MNAT1: variants seen among roughly 807,000 people sequenced by gnomAD.
MNAT1 encodes the protein MNAT1 component of CDK activating kinase, also known as CDK-activating kinase assembly factor MAT1.
In MNAT1, 43 loss-of-function variants were observed where a neutral mutation model predicts 42.0. That is an observed-to-expected ratio of 1.02 (90% CI 0.80 to 1.32). The LOEUF is 1.32. Among genes scored for constraint, MNAT1 ranks in the 40% most tolerant of loss-of-function variants. The pLI, the probability that MNAT1 is intolerant of heterozygous loss-of-function variation, is 0.00. For missense variants in MNAT1, 306 were observed against 350.4 expected (o/e 0.87, Z 1.01); for synonymous variants, 118 against 120.0 (o/e 0.98, Z 0.11).
At chr14:60,913,474 T>C (rs2035434854) in intron 7 of MNAT1, among the ~76,000 whole-genome samples, 1 of 152,202 alleles carries the variant, frequency 6.6e-6, no homozygotes, top group Non-Finnish European at 1.5e-5. Context: ...ACCTTGGGTC[T>C]TTGATGATGG....
At chr14:60,910,338 C>A (rs1327230180) in intron 7 of MNAT1, among the ~76,000 whole-genome samples, 1 of 151,638 alleles carries the variant, frequency 6.6e-6, no homozygotes, top group Non-Finnish European at 1.5e-5. Context: ...CCTGATTGCC[C>A]TGGCCAGAAC....
At chr14:60,888,830 A>G (rs1262171856) in intron 7 of MNAT1, among the ~76,000 whole-genome samples, 1 of 135,482 alleles carries the variant, frequency 7.4e-6, no homozygotes, top group Admixed American at 7.9e-5. Context: ...CCAAATCATG[A>G]GTGAACTCCC....
chr14:60,790,539 T>A (rs903506605), intron 1 of MNAT1, among the ~76,000 whole-genome samples: 1 of 152,102 alleles, frequency 6.6e-6, no homozygotes, highest in African/African-American at 2.4e-5. Context: ...ACCAAACCGA[T>A]GTACATCTTA....
Position 60,811,404 on chromosome 14 carries a change from G to T in MNAT1, c.421-583G>T, listed in dbSNP as rs147788467. On this transcript the variant is annotated intron_variant, in intron 4 of 7. Transcript: ENST00000261245. Reference sequence around the variant, plus strand: ...TGCAACCTTCATTTCCTGGGTTCAAGCGATTCTCCTGCCTCAGCCTCCCGA... The same window carrying T: ...TGCAACCTTCATTTCCTGGGTTCAATCGATTCTCCTGCCTCAGCCTCCCGA... 4.0e-4 allele frequency among the ~76,000 whole-genome samples: 59 copies of T among 149,218 alleles called. No individual in the cohort carries two copies. The East Asian group carries it at 0.011, about 29-fold the overall frequency.
intron 6 of MNAT1, among the ~76,000 whole-genome samples, chr14:60,861,072 A>G (rs1235099735): frequency 1.3e-5 from 2 of 152,104 alleles, no homozygotes. Flanking sequence ...ATATTTAATG[A>G]ATCTTTTATA....
At chr14:60,748,570 T>C (rs1440463530) in intron 1 of MNAT1, among the ~76,000 whole-genome samples, 1 of 152,148 alleles carries the variant, frequency 6.6e-6, no homozygotes, top group Non-Finnish European at 1.5e-5. Context: ...TCATTAAAAA[T>C]GAAGATACAA....
At chr14:60,941,068 C>T (rs779401222) in intron 7 of MNAT1, among the ~76,000 whole-genome samples, 2 of 152,014 alleles carry the variant, frequency 1.3e-5, no homozygotes, top group Admixed American at 6.6e-5. Flanking sequence ...AATAAAATTC[C>T]GTTTATTCTC....
At chr14:60,855,096 C>T (rs2139423726) in intron 6 of MNAT1, among the ~76,000 whole-genome samples, 2 of 152,312 alleles carry the variant, frequency 1.3e-5, no homozygotes, top group South Asian at 4.1e-4. Context: ...TCAGACCTCC[C>T]AGTCTCCTTA....
chr14:60,741,657 G>GTTT (rs1566747118), intron 1 of MNAT1, among the ~76,000 whole-genome samples: 30 of 20,880 alleles, frequency 1.4e-3, no homozygotes, highest in African/African-American at 3.6e-3. Context: ...CTGCGCCTGG[G>GTTT]GTTTTTTTTT....
chr14:60,744,319 A>G (rs553208093), intron 1 of MNAT1, among the ~76,000 whole-genome samples: 1 of 152,072 alleles, frequency 6.6e-6, no homozygotes, highest in East Asian at 1.9e-4. Flanking sequence ...TTTAGTAGAG[A>G]TGGGGTTTTG....
At chr14:60,770,700 A>T (rs2031017966) in intron 1 of MNAT1, among the ~76,000 whole-genome samples, 1 of 152,132 alleles carries the variant, frequency 6.6e-6, no homozygotes, top group Non-Finnish European at 1.5e-5. Flanking sequence ...CAATTTTTTT[A>T]GGAATCTTCA....
intron 7 of MNAT1, among the ~76,000 whole-genome samples, chr14:60,916,962 TA>T (rs1400251986): frequency 2.0e-5 from 3 of 151,888 alleles, no homozygotes; most frequent in African/African-American, 4.8e-5. Context: ...CCAAAAAATT[TA>T]AAAAAATTAA....
At chr14:60,839,930 A>G (rs1276362141) in intron 6 of MNAT1, among the ~76,000 whole-genome samples, 1 of 152,202 alleles carries the variant, frequency 6.6e-6, no homozygotes, top group East Asian at 1.9e-4. Flanking sequence ...ATCTGGGCTG[A>G]TGGCATGAGC....
intron 3 of MNAT1, 40 bp downstream of exon 3, chr14:60,798,200 T>C: frequency 9.4e-7 from 1 of 1,069,514 alleles, no homozygotes; most frequent in Non-Finnish European, 1.4e-6. Context: ...TATAAGACCA[T>C]GTGCTTTTAT....
intron 1 of MNAT1, 56 bp from the exon 2 acceptor site, chr14:60,796,161 T>C: frequency 6.6e-7 from 1 of 1,505,672 alleles, no homozygotes; most frequent in East Asian, 2.3e-5. Flanking sequence ...ACTATTCAGA[T>C]GTGTTGTAGA....
intron 7 of MNAT1, among the ~76,000 whole-genome samples, chr14:60,915,041 G>GT (rs999057896): frequency 6.6e-6 from 1 of 152,136 alleles, no homozygotes; most frequent in African/African-American, 2.4e-5. Flanking sequence ...ATGTAGGTTT[G>GT]TTTTTTATTT....
intron 7 of MNAT1, 48 bp downstream of exon 7, chr14:60,879,883 T>C (rs2034514847): frequency 6.3e-7 from 1 of 1,585,334 alleles, no homozygotes; most frequent in Non-Finnish European, 8.6e-7. Context: ...ATGTGGGACT[T>C]ATTGCTGTTC....
chr14:60,898,612 CT>C (rs1009322185), intron 7 of MNAT1, among the ~76,000 whole-genome samples: 3 of 151,688 alleles, frequency 2.0e-5, no homozygotes, highest in South Asian at 2.1e-4. Flanking sequence ...ATGAGATTAC[CT>C]TTTTTTATTG....
intron 7 of MNAT1, among the ~76,000 whole-genome samples, chr14:60,904,974 TCC>T (rs2035162468): frequency 9.6e-6 from 1 of 104,486 alleles, no homozygotes; most frequent in African/African-American, 3.4e-5. Context: ...GTTCAGCAGT[TCC>T]TTTTTTTTTT....
Sources: gnomAD v4.1 joint callset for allele counts (sites outside exome capture counted in the v4.1 genomes callset) on GRCh38, gnomAD v4.1.1 for gene constraint, MANE v1.5 for transcripts, NCBI Gene and HGNC (gene_info 2026-07-23, HGNC 2026-07-21) for gene names.